TMEM80: variants seen among roughly 807,000 people sequenced by gnomAD.
TMEM80 encodes transmembrane protein 80.
TMEM80 carries 16 observed loss-of-function variants against 13.6 expected under a neutral mutation model. That is an observed-to-expected ratio of 1.17 (90% CI 0.79 to 1.78). The LOEUF (loss-of-function observed/expected upper bound fraction) is 1.78, where lower values mean the gene tolerates loss of function less well. Ranked by LOEUF, TMEM80 falls within the 40% of genes most tolerant of loss-of-function variation. TMEM80 has a pLI of 0.00. For synonymous variants in TMEM80, 92 were observed against 89.5 expected, an observed-to-expected ratio of 1.03 and a Z score of -0.16; for missense variants, 167 against 184.6, an observed-to-expected ratio of 0.90 and a Z score of 0.55.
At chr11:701,406 C>CTTTTTTTTTT (rs71022955) in intron 4 of TMEM80, among the ~76,000 whole-genome samples, 1 of 64,900 alleles carries the variant, frequency 1.5e-5, no homozygotes, top group Non-Finnish European at 2.7e-5. Context: ...GACAAGGTTT[C>CTTTTTTTTTT]TTTTTTTTTT....
chr11:703,423 C>T lies in TMEM80; in HGVS notation c.*273C>T, dbSNP rs1483484185. On this transcript the variant is annotated 3_prime_UTR_variant, in exon 5 of 5. Coordinates refer to ENST00000397510, the MANE Select transcript of TMEM80 (RefSeq NM_001042463.3). ...TGAGTCCCAGGAGCGCACACTCAGC[C>T]CTGTCAGTGGGGTCTGGCTTTAGCA... The T allele has an allele frequency of 6.1e-6, 8 of 1,309,296 alleles. No individual in the cohort carries two copies. The Admixed American group carries it at 3.1e-4, about 51-fold the overall frequency. The allele number at this position is 1,309,296 out of a possible 1,614,324, so 81.1% of individuals were successfully genotyped here.
Position 703,536 on chromosome 11 carries a change from C to A in TMEM80, c.*386C>A. On this transcript the variant is annotated 3_prime_UTR_variant, in exon 5 of 5. Transcript: ENST00000397510. ...ACAGAGGCCTCATCTCACTGCATCCCCCATCACCCCCTAGTTCCCCAATGG... is the reference window on the plus strand; with the variant it reads ...ACAGAGGCCTCATCTCACTGCATCCACCATCACCCCCTAGTTCCCCAATGG... 1 of 1,234,994 alleles carries A rather than the reference C, an allele frequency of 8.1e-7. No individual in the cohort carries two copies. Among genetic ancestry groups the A allele is most frequent in the South Asian group, 4.1e-5 (1 of 24,662 alleles). 76.5% of individuals were successfully genotyped at this position (1,234,994 alleles called of 1,614,324 possible).
At position 702,934 on chromosome 11, in the gene TMEM80, C is replaced by G. The variant is rs1309089040; in HGVS notation, c.227-11C>G. ...CGCACCACCTTCCCTCCCCTTTGCT[C>G]TGTTCTCCAGGCACCAGGGGCAACC... is the stretch of plus-strand genomic sequence containing the variant. On this transcript the variant is annotated splice_polypyrimidine_tract_variant and intron_variant, in intron 4 of 4. Transcript: ENST00000397510. The G allele has an allele frequency of 2.5e-6, 4 of 1,599,000 alleles. No individual in the cohort carries two copies. The highest frequency in any genetic ancestry group is 2.2e-5 in the East Asian group (1 of 44,514).
chr11:695,659 C>A, upstream of TMEM80: 8 of 1,243,864 alleles, frequency 6.4e-6, no homozygotes, highest in Non-Finnish European at 8.1e-6. Context: ...AGTGCCCGAG[C>A]GGTGCCGGAC....
chr11:699,203 G>C, intron 2 of TMEM80: 1 of 446,142 alleles, frequency 2.2e-6, no homozygotes, highest in Non-Finnish European at 4.0e-6. Flanking sequence ...TTTGTCCCTA[G>C]ATTCATTTTA....
intron 1 of TMEM80, among the ~76,000 whole-genome samples, chr11:698,417 G>A (rs983041488): frequency 6.6e-6 from 1 of 152,202 alleles, no homozygotes; most frequent in African/African-American, 2.4e-5. Context: ...AATTTCAGAG[G>A]AAAGCAAATG....
chr11:703,365 G>A lies in TMEM80; in HGVS notation c.*215G>A. On this transcript the variant is annotated 3_prime_UTR_variant, in exon 5 of 5. Coordinates refer to ENST00000397510, the MANE Select transcript of TMEM80 (RefSeq NM_001042463.3). ...CCCTGGTGTTGGGAACAGCTGCGGG[G>A]AGGGTAGGGACCAGACAGAACTGCC... The A allele has an allele frequency of 7.2e-7, 1 of 1,395,128 alleles. No individual in the cohort carries two copies. Among genetic ancestry groups the A allele is most frequent in the Non-Finnish European group, 9.3e-7 (1 of 1,078,890 alleles). 86.4% of individuals were successfully genotyped at this position (1,395,128 alleles called of 1,614,324 possible).
chr11:701,898 A>C (rs1436488194), intron 4 of TMEM80, among the ~76,000 whole-genome samples: 1 of 152,136 alleles, frequency 6.6e-6, no homozygotes, highest in Admixed American at 6.5e-5. Context: ...CCCTCCCCAG[A>C]GCTCACCTCT....
In TMEM80 at chr11:695,864, G is replaced by A. The variant is rs1024671717; in HGVS notation, c.19+18G>A. 5.7e-6 allele frequency: 7 copies of A among 1,226,928 alleles called. No individual in the cohort carries two copies. In the Admixed American group the frequency reaches 2.1e-4, roughly 37 times the overall value. 76.0% of individuals were successfully genotyped at this position (1,226,928 alleles called of 1,614,324 possible). On this transcript the variant is annotated intron_variant, in intron 1 of 4. Transcript: ENST00000397510. ...GCGGCGAGGTGAGCTCGGGCGGGGT[G>A]GGGGCTTCCGGGCTTGCAGCGGCGG...
In TMEM80 at chr11:703,069, G is replaced by A. The variant is rs1448517671; in HGVS notation, c.351G>A (p.Trp117Ter). ...LWQALVLWAD[W>*]ALSATLLALH... ...AGGCCCTAGTGTTGTGGGCGGACTGGGCCCTCAGCGCCACGCTCCTGGCCC... is the reference window on the plus strand; with the variant it reads ...AGGCCCTAGTGTTGTGGGCGGACTGAGCCCTCAGCGCCACGCTCCTGGCCC... Residue 117 changes from tryptophan to a stop codon, truncating the protein, a stop_gained, in exon 5 of 5, where the codon TGG (tryptophan) becomes TGA (stop). Transcript: ENST00000397510. LOFTEE classifies it low-confidence loss of function (END_TRUNC). The A allele has an allele frequency of 1.9e-6, 3 of 1,612,590 alleles. No homozygotes were observed. The Admixed American group carries it at 5.0e-5, about 27-fold the overall frequency.
rs1184589271 is a variant in TMEM80, at chr11:700,131, C to A, written c.40-11C>A. The stretch of plus-strand genomic sequence containing the variant: ...GCCTGTTGAGCTTGAGGATCCTTAA[C>A]CACTCACCAGCTCTCTTCAGTTCCC... On this transcript the variant is annotated splice_polypyrimidine_tract_variant and intron_variant, in intron 2 of 4. Transcript: ENST00000397510. 1 of 1,612,928 alleles carries A rather than the reference C, an allele frequency of 6.2e-7. No homozygotes were observed. Among genetic ancestry groups the A allele is most frequent in the African/African-American group, 1.3e-5 (1 of 74,900 alleles).
Position 702,905 on chromosome 11 carries a change from G to A in TMEM80, c.227-40G>A, listed in dbSNP as rs369414773. The A allele has an allele frequency of 3.2e-5, 49 of 1,552,368 alleles. No individual in the cohort carries two copies. The African/African-American group carries it at 4.3e-4, about 14-fold the overall frequency. On this transcript the variant is annotated intron_variant, in intron 4 of 4. Coordinates refer to ENST00000397510, the MANE Select transcript of TMEM80 (RefSeq NM_001042463.3). ...CTGTGGGCGGTGGGCTCCAGGGAGC[G>A]CCTCGCACCACCTTCCCTCCCCTTT...
Position 703,446 on chromosome 11 carries a change from G to A in TMEM80, c.*296G>A. ...GCCCTGTCAGTGGGGTCTGGCTTTA[G>A]CAGCCAGGCCTCCACAGACCCCCAT... On this transcript the variant is annotated 3_prime_UTR_variant, in exon 5 of 5. Transcript: ENST00000397510. 1 of 1,283,588 alleles carries A rather than the reference G, an allele frequency of 7.8e-7. No individual in the cohort carries two copies. The highest frequency in any genetic ancestry group is 2.9e-5 in the South Asian group (1 of 34,730). 79.5% of individuals were successfully genotyped at this position (1,283,588 alleles called of 1,614,324 possible). A position where few individuals can be genotyped will look rare whatever the true frequency, so the allele number is the denominator to read the frequency against.
At chr11:698,830 T>C in intron 1 of TMEM80, 39 bp from the exon 2 acceptor site, 1 of 1,613,794 alleles carries the variant, frequency 6.2e-7, no homozygotes, top group Non-Finnish European at 8.5e-7. Flanking sequence ...AGCATCCTGG[T>C]GGCTGTCAGG....
chr11:703,576 C>T lies in TMEM80; in HGVS notation c.*426C>T. On this transcript the variant is annotated 3_prime_UTR_variant, in exon 5 of 5. Transcript: ENST00000397510. ...TTCCCCAATGGTCCTAATTTGTGTT[C>T]TGAGATCCCAGTTTACTCCGTGGCC... 8.1e-7 allele frequency: 1 copy of T among 1,233,352 alleles called. No homozygotes were observed. Among genetic ancestry groups the T allele is most frequent in the Non-Finnish European group, 1.0e-6 (1 of 989,026 alleles). 76.4% of individuals were successfully genotyped at this position (1,233,352 alleles called of 1,614,324 possible).
intron 2 of TMEM80, chr11:699,113 C>T (rs1590034958): frequency 1.3e-5 from 7 of 532,364 alleles, no homozygotes; most frequent in Non-Finnish European, 1.7e-5. Flanking sequence ...TGGCTAAGCA[C>T]GCCACACTGC....
intron 4 of TMEM80, among the ~76,000 whole-genome samples, chr11:702,489 CATTT>C (rs1861542003): frequency 6.6e-6 from 1 of 152,158 alleles, no homozygotes; most frequent in Admixed American, 6.5e-5. Context: ...GTGACTGACC[CATTT>C]GTTTGCTAAA....
intron 4 of TMEM80, among the ~76,000 whole-genome samples, chr11:701,614 T>G (rs1216190981): frequency 1.3e-5 from 2 of 151,910 alleles, no homozygotes; most frequent in African/African-American, 2.4e-5. Context: ...TTTCACCATG[T>G]TAGCCAGGAT....
downstream of TMEM80, chr11:704,443 G>C: frequency 5.4e-6 from 7 of 1,289,020 alleles, no homozygotes; most frequent in Non-Finnish European, 7.1e-6. Flanking sequence ...GGCCCCCAGT[G>C]GCCACGGTGA....
Sources: gnomAD v4.1 joint callset for allele counts (sites outside exome capture counted in the v4.1 genomes callset) on GRCh38, gnomAD v4.1.1 for gene constraint, MANE v1.5 for transcripts, NCBI Gene and HGNC (gene_info 2026-07-23, HGNC 2026-07-21) for gene names.